RPS6KA5: variants seen among roughly 807,000 people sequenced by gnomAD.
RPS6KA5 encodes the protein ribosomal protein S6 kinase alpha-5.
In RPS6KA5, 27 loss-of-function variants were observed where a neutral mutation model predicts 85.5. That is an observed-to-expected ratio of 0.32 (90% CI 0.23 to 0.44). The LOEUF is 0.44. Among genes scored for constraint, RPS6KA5 ranks in the 20% least tolerant of loss-of-function variants. The probability of loss-of-function intolerance (pLI) is 1.00; values close to 1 mark genes in which losing one functional copy is unlikely to be tolerated. For missense variants in RPS6KA5, 811 were observed against 980.9 expected (o/e 0.83, Z 2.31); for synonymous variants, 334 against 348.2 (o/e 0.96, Z 0.46).
intron 14 of RPS6KA5, among the ~76,000 whole-genome samples, chr14:90,885,801 A>AT (rs1282631337): frequency 2.0e-5 from 3 of 147,974 alleles, no homozygotes; most frequent in Non-Finnish European, 4.5e-5. Context: ...ACCAATCTTT[A>AT]TAAATAAAGT....
intron 1 of RPS6KA5, among the ~76,000 whole-genome samples, chr14:91,023,710 T>C (rs1261203655): frequency 6.6e-6 from 1 of 152,148 alleles, no homozygotes; most frequent in African/African-American, 2.4e-5. Context: ...AGTGCTGCCT[T>C]GCTTTGTATG....
At chr14:91,047,648 T>A (rs1170022843) in intron 1 of RPS6KA5, among the ~76,000 whole-genome samples, 1 of 152,228 alleles carries the variant, frequency 6.6e-6, no homozygotes, top group African/African-American at 2.4e-5. Context: ...TTCCTGTAAC[T>A]GCGGTAGAAA....
rs553683650 is a variant in RPS6KA5, at chr14:90,988,244, A to G, written c.176-9720T>C. On this transcript the variant is annotated intron_variant, in intron 2 of 16. Coordinates refer to ENST00000614987, the MANE Select transcript of RPS6KA5 (RefSeq NM_004755.4). The stretch of plus-strand genomic sequence containing the variant: ...ACACATTTTAGGCTTTACAAAAAAT[A>G]CTCATTAAGAAATGACATTCACTTA... 2.0e-5 allele frequency among the ~76,000 whole-genome samples: 3 copies of G among 152,358 alleles called. No homozygotes were observed. In the East Asian group the frequency reaches 5.8e-4, roughly 29 times the overall value.
At chr14:90,949,972 T>C (rs2038086714) in intron 3 of RPS6KA5, among the ~76,000 whole-genome samples, 1 of 152,236 alleles carries the variant, frequency 6.6e-6, no homozygotes, top group African/African-American at 2.4e-5. Context: ...GGGGCAGTTA[T>C]GGGTTGTATA....
At chr14:90,896,951 G>A (rs1240659969) in intron 12 of RPS6KA5, among the ~76,000 whole-genome samples, 1 of 152,096 alleles carries the variant, frequency 6.6e-6, no homozygotes, top group African/African-American at 2.4e-5. Context: ...TCAAACTCCT[G>A]ACCTCAAGTG....
rs1174458739 is a variant in RPS6KA5 at position 90,884,653 on chromosome 14, G to A, written c.1836+5834C>T. On this transcript the variant is annotated intron_variant, in intron 14 of 16. Transcript: ENST00000614987. ...AGATTCTGCCACTGCAGTTGGTGGT[G>A]AGACAGATTCCTGGTGCTTCCTGCT... is the stretch of plus-strand genomic sequence containing the variant. Among the ~76,000 whole-genome samples, 5 of 152,206 alleles carry A rather than the reference G, an allele frequency of 3.3e-5. No individual in the cohort carries two copies. The East Asian group carries it at 9.6e-4, about 29-fold the overall frequency.
intron 1 of RPS6KA5, among the ~76,000 whole-genome samples, chr14:91,021,123 G>A (rs1261042877): frequency 1.3e-5 from 2 of 152,120 alleles, no homozygotes; most frequent in Non-Finnish European, 2.9e-5. Context: ...AAAATACGCT[G>A]TTCTTCATCA....
chr14:91,052,102 T>C (rs981154549), intron 1 of RPS6KA5, among the ~76,000 whole-genome samples: 5 of 151,740 alleles, frequency 3.3e-5, no homozygotes, highest in African/African-American at 4.8e-5. Flanking sequence ...CCAGGTCATA[T>C]AGCAAATTAG....
chr14:91,045,828 G>A (rs1261775644), intron 1 of RPS6KA5, among the ~76,000 whole-genome samples: 1 of 152,050 alleles, frequency 6.6e-6, no homozygotes, highest in Admixed American at 6.6e-5. Context: ...AGAAACCCCT[G>A]CATGAAATGG....
intron 6 of RPS6KA5, 110 bp downstream of exon 6, chr14:90,923,003 A>C (rs2036481362): frequency 1.4e-6 from 1 of 728,502 alleles, no homozygotes; most frequent in African/African-American, 1.8e-5. Context: ...AGGTAAGACA[A>C]TCAACACCAG....
chr14:91,005,640 T>C (rs761533791), intron 1 of RPS6KA5, among the ~76,000 whole-genome samples: 1 of 152,226 alleles, frequency 6.6e-6, no homozygotes, highest in Non-Finnish European at 1.5e-5. Context: ...TTTGAGCATG[T>C]GAGTCTAGGT....
intron 3 of RPS6KA5, among the ~76,000 whole-genome samples, chr14:90,955,508 A>C (rs2038453451): frequency 6.6e-6 from 1 of 152,130 alleles, no homozygotes; most frequent in Non-Finnish European, 1.5e-5. Context: ...TTCATCTTTG[A>C]CATATTGGAT....
chr14:90,976,043 G>C (rs1566815581), intron 3 of RPS6KA5, among the ~76,000 whole-genome samples: 1 of 151,970 alleles, frequency 6.6e-6, no homozygotes, highest in Non-Finnish European at 1.5e-5. Context: ...GTAATGGAGA[G>C]CCAATAACGA....
chr14:90,957,819 GT>G (rs1285986922), intron 3 of RPS6KA5, among the ~76,000 whole-genome samples: 68 of 141,908 alleles, frequency 4.8e-4, no homozygotes, highest in African/African-American at 6.4e-4. Context: ...AATTTCCTTT[GT>G]TTTTTTTTTT....
At chr14:91,055,796 C>T (rs1352199490) in intron 1 of RPS6KA5, among the ~76,000 whole-genome samples, 1 of 152,170 alleles carries the variant, frequency 6.6e-6, no homozygotes, top group East Asian at 1.9e-4. Context: ...CAACAAAAGA[C>T]ATGGCATGGT....
At chr14:90,894,357 A>G in intron 13 of RPS6KA5, 56 bp downstream of exon 13, 1 of 1,437,486 alleles carries the variant, frequency 7.0e-7, no homozygotes. Context: ...CATGTTTGGG[A>G]GATCTTTAAT....
intron 1 of RPS6KA5, among the ~76,000 whole-genome samples, chr14:91,054,690 C>T (rs1307073093): frequency 6.6e-6 from 1 of 151,362 alleles, no homozygotes; most frequent in African/African-American, 2.4e-5. Flanking sequence ...GTGGCTCACA[C>T]CTACAATCCC....
intron 7 of RPS6KA5, among the ~76,000 whole-genome samples, chr14:90,915,835 T>TA: frequency 6.7e-6 from 1 of 150,226 alleles, no homozygotes; most frequent in African/African-American, 2.4e-5. Context: ...ATAAATAAAA[T>TA]AAATTTATAA....
intron 14 of RPS6KA5, among the ~76,000 whole-genome samples, chr14:90,883,044 C>A (rs541221005): frequency 6.6e-6 from 1 of 152,170 alleles, no homozygotes; most frequent in African/African-American, 2.4e-5. Context: ...GTGATCAGCC[C>A]ACCTCGGCCT....
Sources: allele counts gnomAD v4.1 joint callset (sites outside exome capture counted in the v4.1 genomes callset), GRCh38; gene constraint gnomAD v4.1.1; transcripts MANE v1.5; gene names NCBI Gene and HGNC (gene_info 2026-07-23, HGNC 2026-07-21).